LUZP2: variants seen among roughly 807,000 people sequenced by gnomAD.
LUZP2 encodes the protein leucine zipper protein 2.
In LUZP2, 52 loss-of-function variants were observed where a neutral mutation model predicts 51.6. The ratio of observed to expected loss-of-function variants is 1.01; its 90% CI spans 0.81 to 1.27. The LOEUF (loss-of-function observed/expected upper bound fraction) is 1.27, where lower values mean the gene tolerates loss of function less well. Ranked by LOEUF, LUZP2 falls within the 50% of genes most tolerant of loss-of-function variation. The pLI is 0.00. For synonymous variants in LUZP2, 154 were observed against 137.3 expected (o/e 1.12, Z -0.85); for missense variants, 436 against 395.4 (o/e 1.10, Z -0.87).
At chr11:25,024,255 C>A (rs549029460) in intron 9 of LUZP2, among the ~76,000 whole-genome samples, 74 of 152,178 alleles carry the variant, frequency 4.9e-4, no homozygotes, top group African/African-American at 1.7e-3. Context: ...GATGCCCTCT[C>A]TCACCACTCC....
intron 5 of LUZP2, among the ~76,000 whole-genome samples, chr11:24,818,524 T>C (rs1378700748): frequency 6.6e-6 from 1 of 152,058 alleles, no homozygotes; most frequent in Non-Finnish European, 1.5e-5. Flanking sequence ...GTTGAAAGCA[T>C]GCGTATCAAT....
chr11:24,961,505 C>T (rs1338777826), intron 7 of LUZP2, among the ~76,000 whole-genome samples: 2 of 151,994 alleles, frequency 1.3e-5, no homozygotes, highest in Non-Finnish European at 2.9e-5. Context: ...TATGTAATGG[C>T]CTTCTTTGTC....
chr11:24,783,065 C>G (rs749090204), intron 5 of LUZP2, among the ~76,000 whole-genome samples: 50 of 152,006 alleles, frequency 3.3e-4, no homozygotes, highest in Non-Finnish European at 6.0e-4. Flanking sequence ...GTTCTCAACC[C>G]TCATGACTAT....
At chr11:24,895,458 A>G (rs1422675598) in intron 5 of LUZP2, among the ~76,000 whole-genome samples, 1 of 152,094 alleles carries the variant, frequency 6.6e-6, no homozygotes, top group South Asian at 2.1e-4. Context: ...CATGAATGCT[A>G]TCACCCAGGT....
chr11:24,585,180 A>AT (rs1214740949), intron 1 of LUZP2, among the ~76,000 whole-genome samples: 1 of 152,044 alleles, frequency 6.6e-6, no homozygotes, highest in Non-Finnish European at 1.5e-5. Flanking sequence ...TTACTGAAAA[A>AT]TGGAGAAAAT....
chr11:25,017,980 G>A (rs1857205655), intron 9 of LUZP2, among the ~76,000 whole-genome samples: 2 of 150,628 alleles, frequency 1.3e-5, no homozygotes, highest in Admixed American at 6.6e-5. Flanking sequence ...AGTTCTCCTT[G>A]TAGAGATTTT....
chr11:24,591,072 G>T (rs1183275701), intron 1 of LUZP2, among the ~76,000 whole-genome samples: 1 of 152,126 alleles, frequency 6.6e-6, no homozygotes. Flanking sequence ...TTGTGCTACT[G>T]CACTACAGTG....
intron 1 of LUZP2, among the ~76,000 whole-genome samples, chr11:24,518,537 G>T (rs1850548315): frequency 6.6e-6 from 1 of 152,154 alleles, no homozygotes; most frequent in Non-Finnish European, 1.5e-5. Flanking sequence ...TTATTAAAGA[G>T]TATAGTTACT....
intron 1 of LUZP2, among the ~76,000 whole-genome samples, chr11:24,510,693 T>A (rs1850281858): frequency 6.6e-6 from 1 of 152,234 alleles, no homozygotes; most frequent in Non-Finnish European, 1.5e-5. Context: ...TATAACATAT[T>A]GTTTTGTGAC....
intron 5 of LUZP2, among the ~76,000 whole-genome samples, chr11:24,795,102 C>T (rs944275336): frequency 4.6e-5 from 7 of 152,086 alleles, no homozygotes; most frequent in Admixed American, 1.3e-4. Flanking sequence ...TAAGATGGCT[C>T]ATAATTATTT....
intron 5 of LUZP2, among the ~76,000 whole-genome samples, chr11:24,820,261 C>A (rs1850319483): frequency 6.6e-6 from 1 of 152,092 alleles, no homozygotes; most frequent in Admixed American, 6.6e-5. Flanking sequence ...CACAGGAGCT[C>A]ATTATTCAGA....
At chr11:24,587,931 T>G (rs1036701716) in intron 1 of LUZP2, among the ~76,000 whole-genome samples, 1 of 152,038 alleles carries the variant, frequency 6.6e-6, no homozygotes, top group African/African-American at 2.4e-5. Flanking sequence ...TTATTTTCCT[T>G]TTAGAAAATG....
chr11:24,806,730 G>A (rs1451400967), intron 5 of LUZP2, among the ~76,000 whole-genome samples: 2 of 151,908 alleles, frequency 1.3e-5, no homozygotes, highest in Non-Finnish European at 2.9e-5. Flanking sequence ...TCTCCCAATA[G>A]CTTTTATTAT....
chr11:24,866,113 T>TACACACACACACACAC (rs60308723), intron 5 of LUZP2, among the ~76,000 whole-genome samples: 5 of 146,704 alleles, frequency 3.4e-5, no homozygotes, highest in African/African-American at 7.8e-5. Flanking sequence ...CTGCATTTCA[T>TACACACACACACACAC]ACACACACAC....
At chr11:24,920,560 A>C (rs563146460) in intron 7 of LUZP2, among the ~76,000 whole-genome samples, 26 of 152,258 alleles carry the variant, frequency 1.7e-4, no homozygotes, top group African/African-American at 4.8e-4. Context: ...TCAACAGATG[A>C]TAAAGAAATG....
chr11:24,784,787 A>G (rs559557343), intron 5 of LUZP2, among the ~76,000 whole-genome samples: 1 of 151,940 alleles, frequency 6.6e-6, no homozygotes, highest in African/African-American at 2.4e-5. Context: ...ATTTTGTGTC[A>G]CTTCTATTTT....
chr11:24,805,217 A>G (rs1849820032), intron 5 of LUZP2, among the ~76,000 whole-genome samples: 1 of 152,072 alleles, frequency 6.6e-6, no homozygotes, highest in Non-Finnish European at 1.5e-5. Flanking sequence ...GAGCTTGTGC[A>G]GGCAAACTCT....
chr11:24,708,222 A>T (rs34615540), intron 1 of LUZP2, among the ~76,000 whole-genome samples: 2 of 152,150 alleles, frequency 1.3e-5, no homozygotes, highest in Admixed American at 6.6e-5. Context: ...CATATCCAAC[A>T]GGGTGAATAT....
intron 5 of LUZP2, among the ~76,000 whole-genome samples, chr11:24,784,845 TATA>T (rs1373808816): frequency 6.6e-6 from 1 of 152,130 alleles, no homozygotes; most frequent in Non-Finnish European, 1.5e-5. Flanking sequence ...TGATTAGACA[TATA>T]ATGTGTATGA....
Sources: allele counts gnomAD v4.1 joint callset (sites outside exome capture counted in the v4.1 genomes callset), GRCh38; gene constraint gnomAD v4.1.1; transcripts MANE v1.5; gene names NCBI Gene and HGNC (gene_info 2026-07-23, HGNC 2026-07-21).